GABRG3: variants seen among roughly 807,000 people sequenced by gnomAD.
GABRG3 encodes gamma-aminobutyric acid receptor subunit gamma-3.
GABRG3 carries 25 observed loss-of-function variants against 48.8 expected under a neutral mutation model. The observed-to-expected ratio is 0.51, with a 90% CI of 0.37 to 0.72. The LOEUF is 0.72. Ranked by LOEUF, GABRG3 falls within the 30% of genes least tolerant of loss-of-function variation. The pLI is 0.00. For synonymous variants in GABRG3, 227 were observed against 217.6 expected, an observed-to-expected ratio of 1.04 and a Z score of -0.38; for missense variants, 394 against 577.9, an observed-to-expected ratio of 0.68 and a Z score of 3.26.
intron 3 of GABRG3, among the ~76,000 whole-genome samples, chr15:27,178,356 C>T (rs1335236137): frequency 6.6e-6 from 1 of 152,172 alleles, no homozygotes; most frequent in Non-Finnish European, 1.5e-5. Flanking sequence ...AAAAACTCTG[C>T]AAGGATGCTG....
intron 3 of GABRG3, among the ~76,000 whole-genome samples, chr15:27,115,913 A>C (rs760218297): frequency 1.3e-5 from 2 of 152,234 alleles, no homozygotes; most frequent in Non-Finnish European, 2.9e-5. Context: ...GATTTTACTC[A>C]AGACACTGTT....
chr15:27,517,833 CT>C (rs1420943168), intron 6 of GABRG3, among the ~76,000 whole-genome samples: 2 of 152,134 alleles, frequency 1.3e-5, no homozygotes, highest in Non-Finnish European at 2.9e-5. Flanking sequence ...TACTTGTGCT[CT>C]TTTATTGCTT....
At chr15:27,409,143 TG>T (rs1391339168) in intron 5 of GABRG3, among the ~76,000 whole-genome samples, 1 of 152,188 alleles carries the variant, frequency 6.6e-6, no homozygotes, top group East Asian at 1.9e-4. Context: ...TTTTCTTTAA[TG>T]GGTCTTGCTT....
In GABRG3 at chr15:27,541,481, T is replaced by A. The variant is rs1359745323; in HGVS notation, c.*8600T>A. 1 of 152,142 alleles carries A rather than the reference T, an allele frequency of 6.6e-6. No individual in the cohort carries two copies. 9.4% of individuals were successfully genotyped at this position (152,142 alleles called of 1,614,324 possible). On this transcript the variant is annotated 3_prime_UTR_variant, in exon 10 of 10. Coordinates refer to ENST00000615808, the MANE Select transcript of GABRG3 (RefSeq NM_033223.5). ...CGGACTGCTCTCTGTTCCCATGGAA[T>A]CCTTCCTGCCTGTGAAGCCATTGTC...
chr15:27,054,794 A>G (rs1203585452), intron 3 of GABRG3, among the ~76,000 whole-genome samples: 1 of 152,172 alleles, frequency 6.6e-6, no homozygotes, highest in Non-Finnish European at 1.5e-5. Context: ...GGGGAGGAAC[A>G]GCTGCTGTGC....
At chr15:27,151,011 T>C (rs1898301749) in intron 3 of GABRG3, among the ~76,000 whole-genome samples, 1 of 152,238 alleles carries the variant, frequency 6.6e-6, no homozygotes, top group Admixed American at 6.5e-5. Context: ...GAGATGGGTT[T>C]TTTAAAATTA....
chr15:27,335,401 G>A (rs1221851729), intron 5 of GABRG3, among the ~76,000 whole-genome samples: 1 of 152,128 alleles, frequency 6.6e-6, no homozygotes, highest in East Asian at 1.9e-4. Flanking sequence ...ACCAACACTT[G>A]TTATCTTTTC....
Position 27,307,006 on chromosome 15 carries a change from G to GTTTCTATATAAACATA in GABRG3, c.271-19802_271-19801insTTCTATATAAACATAT. Among the ~76,000 whole-genome samples the GTTTCTATATAAACATA allele has an allele frequency of 2.5e-5, 2 of 78,598 alleles. 1 individual carries two copies. Among genetic ancestry groups the GTTTCTATATAAACATA allele is most frequent in the Admixed American group, 2.6e-4 (2 of 7,740 alleles). The allele number at this position is 78,598 out of a possible 152,430, so 51.6% of individuals were successfully genotyped here. Reference sequence around the variant, plus strand: ...TATAAACATGTTTATATATAAACATGTATAAACATGTTTATATATAAACAT... The same window carrying GTTTCTATATAAACATA: ...TATAAACATGTTTATATATAAACATGTTTCTATATAAACATATATAAACATGTTTATATATAAACAT... On this transcript the variant is annotated intron_variant, in intron 3 of 9. Coordinates refer to ENST00000615808, the MANE Select transcript of GABRG3 (RefSeq NM_033223.5).
intron 6 of GABRG3, among the ~76,000 whole-genome samples, chr15:27,509,236 G>A (rs1004781066): frequency 6.6e-6 from 1 of 152,132 alleles, no homozygotes; most frequent in African/African-American, 2.4e-5. Flanking sequence ...AAGCAAAAAT[G>A]TATCTTTTTT....
intron 5 of GABRG3, among the ~76,000 whole-genome samples, chr15:27,410,845 CGTGTGTGTGTGTGT>C (rs61423614): frequency 2.7e-4 from 39 of 143,726 alleles, no homozygotes; most frequent in East Asian, 1.5e-3. Flanking sequence ...TGCGCACGCT[CGTGTGTGTGTGTGT>C]GTGTGTGTGT....
chr15:26,998,887 A>G (rs1276988781), intron 2 of GABRG3, among the ~76,000 whole-genome samples: 1 of 152,228 alleles, frequency 6.6e-6, no homozygotes, highest in Non-Finnish European at 1.5e-5. Context: ...CCTTTGCTGT[A>G]TACCCTTAAA....
chr15:27,388,211 AAGG>A (rs1418231374), intron 5 of GABRG3, among the ~76,000 whole-genome samples: 54 of 73,232 alleles, frequency 7.4e-4, no homozygotes, highest in Non-Finnish European at 9.2e-4. Flanking sequence ...GAAGGAAGGA[AAGG>A]AGGAAGGAAG....
intron 2 of GABRG3, among the ~76,000 whole-genome samples, chr15:27,003,785 C>T (rs1311574722): frequency 6.6e-6 from 1 of 151,948 alleles, no homozygotes; most frequent in Non-Finnish European, 1.5e-5. Flanking sequence ...CTCCTCACTT[C>T]CCAGTAGGGG....
chr15:26,997,527 T>C (rs1895364718), intron 2 of GABRG3, among the ~76,000 whole-genome samples: 1 of 152,236 alleles, frequency 6.6e-6, no homozygotes, highest in South Asian at 2.1e-4. Context: ...TTTAGTAACT[T>C]ACCTGTATTA....
At chr15:27,380,608 C>T (rs1420452722) in intron 5 of GABRG3, among the ~76,000 whole-genome samples, 1 of 152,082 alleles carries the variant, frequency 6.6e-6, no homozygotes, top group African/African-American at 2.4e-5. Context: ...AACATTTTCT[C>T]TAGCATCCTT....
At chr15:27,527,198 G>A (rs1891298587) in intron 7 of GABRG3, among the ~76,000 whole-genome samples, 11 of 152,248 alleles carry the variant, frequency 7.2e-5, no homozygotes, top group Admixed American at 7.2e-4. Context: ...ATTGAAAGGT[G>A]TTGATTTGAT....
rs549733677 is a variant in GABRG3, at chr15:27,231,644, T to C, written c.271-95165T>C. On this transcript the variant is annotated intron_variant, in intron 3 of 9. Coordinates refer to ENST00000615808, the MANE Select transcript of GABRG3 (RefSeq NM_033223.5). ...ATGAAAGGCAGGGGCTGGTCAAGGCTGACATCCTAGAAAATCCCTCATATC... is the reference window on the plus strand; with the variant it reads ...ATGAAAGGCAGGGGCTGGTCAAGGCCGACATCCTAGAAAATCCCTCATATC... 2.6e-5 allele frequency among the ~76,000 whole-genome samples: 4 copies of C among 152,246 alleles called. No individual in the cohort carries two copies. In the South Asian group the frequency reaches 8.3e-4, roughly 32 times the overall value.
At chr15:27,140,578 T>C (rs1358251714) in intron 3 of GABRG3, among the ~76,000 whole-genome samples, 5 of 152,060 alleles carry the variant, frequency 3.3e-5, no homozygotes, top group Non-Finnish European at 7.3e-5. Context: ...ATTAGTCCTT[T>C]AGGTTTTTTT....
chr15:27,170,372 A>G (rs767369104), intron 3 of GABRG3, among the ~76,000 whole-genome samples: 1 of 152,230 alleles, frequency 6.6e-6, no homozygotes, highest in Non-Finnish European at 1.5e-5. Flanking sequence ...TGATAAATAT[A>G]TACATATATG....
Sources: allele counts gnomAD v4.1 joint callset (sites outside exome capture counted in the v4.1 genomes callset), GRCh38; gene constraint gnomAD v4.1.1; transcripts MANE v1.5; gene names NCBI Gene and HGNC (gene_info 2026-07-23, HGNC 2026-07-21).